The following AKAP7 variants were observed in gnomAD, a reference collection of about 807,000 sequenced individuals.
AKAP7 encodes the protein A kinase (PRKA) anchor protein 7.
AKAP7 carries 39 observed loss-of-function variants against 39.5 expected under a neutral mutation model. The observed-to-expected ratio is 0.99, with a 90% CI of 0.76 to 1.29. The LOEUF (loss-of-function observed/expected upper bound fraction) is 1.29, where lower values mean the gene tolerates loss of function less well. Among genes scored for constraint, AKAP7 ranks in the 50% most tolerant of loss-of-function variants. The pLI is 0.00. For missense variants in AKAP7, 414 were observed against 407.7 expected, an observed-to-expected ratio of 1.02 and a Z score of -0.13; for synonymous variants, 140 against 139.1, an observed-to-expected ratio of 1.01 and a Z score of -0.05.
intron 7 of AKAP7, among the ~76,000 whole-genome samples, chr6:131,277,179 GT>G (rs1366959374): frequency 6.6e-6 from 1 of 152,136 alleles, no homozygotes; most frequent in African/African-American, 2.4e-5. Flanking sequence ...TGATTGAAAA[GT>G]TTCTTAAGTC....
At chr6:131,140,529 C>T (rs1307404123) in intron 1 of AKAP7, among the ~76,000 whole-genome samples, 3 of 152,174 alleles carry the variant, frequency 2.0e-5, no homozygotes, top group Non-Finnish European at 4.4e-5. Context: ...AATTAAGTTT[C>T]CTCTCCCTCA....
intron 3 of AKAP7, among the ~76,000 whole-genome samples, chr6:131,162,675 C>G (rs141224087): frequency 2.6e-5 from 4 of 152,070 alleles, no homozygotes; most frequent in Admixed American, 2.0e-4. Context: ...TTTTTCTGCC[C>G]GAGCTCTTCT....
chr6:131,219,836 A>G (rs368804335), intron 7 of AKAP7, 28 bp downstream of exon 7: 2 of 1,405,562 alleles, frequency 1.4e-6, no homozygotes, highest in Non-Finnish European at 1.9e-6. Context: ...ATTATTTATT[A>G]TCTTTATTTT....
At chr6:131,276,971 G>A (rs986828292) in intron 7 of AKAP7, among the ~76,000 whole-genome samples, 2 of 152,074 alleles carry the variant, frequency 1.3e-5, no homozygotes, top group East Asian at 1.9e-4. Context: ...TTCAGTTTTC[G>A]CAGTAGGTGT....
At chr6:131,154,450 A>G (rs1802230834) in intron 2 of AKAP7, among the ~76,000 whole-genome samples, 1 of 150,152 alleles carries the variant, frequency 6.7e-6, no homozygotes, top group Non-Finnish European at 1.5e-5. Flanking sequence ...GATTGTCTAA[A>G]CGTTCCTCCC....
intron 3 of AKAP7, among the ~76,000 whole-genome samples, chr6:131,160,563 T>C (rs1325679066): frequency 6.6e-6 from 1 of 152,204 alleles, no homozygotes; most frequent in Admixed American, 6.5e-5. Context: ...GAAAAAGTGT[T>C]GCCAGATGGC....
In AKAP7 at chr6:131,159,347, C is replaced by A. The variant is rs879540188; in HGVS notation, c.152-712C>A. Among the ~76,000 whole-genome samples, 9 of 152,140 alleles carry A rather than the reference C, an allele frequency of 5.9e-5. No individual in the cohort carries two copies. The East Asian group carries it at 1.7e-3, about 29-fold the overall frequency. The stretch of plus-strand genomic sequence containing the variant: ...TGACCTCGTGATTCGCCCGCCTCGG[C>A]CTCCCAAAGTGCTGGGATTACAGGC... On this transcript the variant is annotated intron_variant, in intron 2 of 7. Transcript: ENST00000431975.
In AKAP7 at chr6:131,219,779, A is replaced by G. The variant is rs1809542050; in HGVS notation, c.821A>G (p.Tyr274Cys). The G allele has an allele frequency of 6.3e-7, 1 of 1,584,092 alleles. No homozygotes were observed. Among genetic ancestry groups the G allele is most frequent in the African/African-American group, 1.4e-5 (1 of 73,420 alleles). ...CTGAAGAAAAAACAAAGTAATGGTT[A>G]TTATCACTGTGAATCTTCCATTGTG... ...SMLKKKQSNG[Y>C]YHCESSIVIG... The change falls in exon 7 of 8, where the codon TAT (tyrosine) becomes TGT (cysteine). Residue 274 changes from tyrosine (Y) to cysteine (C), a missense_variant. Tyr to Cys is a radical substitution (Grantham distance 194, BLOSUM62 -2). Coordinates refer to ENST00000431975, the MANE Select transcript of AKAP7 (RefSeq NM_016377.4).
At chr6:131,164,524 T>G (rs1401244504) in intron 3 of AKAP7, 6 of 424,166 alleles carry the variant, frequency 1.4e-5, no homozygotes, top group African/African-American at 4.1e-5. Context: ...GTAATGCCCC[T>G]CCCCACAGGT....
At chr6:131,138,453 T>C (rs1800764513) in intron 1 of AKAP7, among the ~76,000 whole-genome samples, 1 of 152,248 alleles carries the variant, frequency 6.6e-6, no homozygotes, top group Non-Finnish European at 1.5e-5. Flanking sequence ...GTTCCACTTT[T>C]CCTTTTTTGT....
chr6:131,260,266 C>T (rs972922858), intron 7 of AKAP7, among the ~76,000 whole-genome samples: 12 of 152,094 alleles, frequency 7.9e-5, no homozygotes, highest in East Asian at 1.9e-4. Flanking sequence ...AATAAACATA[C>T]GTGTGCGTGT....
intron 5 of AKAP7, among the ~76,000 whole-genome samples, chr6:131,182,456 T>C (rs1158235233): frequency 6.6e-6 from 1 of 152,258 alleles, no homozygotes; most frequent in East Asian, 1.9e-4. Context: ...TTAAGGTTCA[T>C]CCATGCTGTA....
intron 5 of AKAP7, among the ~76,000 whole-genome samples, chr6:131,171,725 A>C (rs77586468): frequency 0.047 from 7,195 of 152,186 alleles, 444 homozygotes; most frequent in East Asian, 0.16. Context: ...CTCAAGTACT[A>C]TGTAGGATTT....
At chr6:131,139,108 T>C (rs1227579951) in intron 1 of AKAP7, among the ~76,000 whole-genome samples, 2 of 152,186 alleles carry the variant, frequency 1.3e-5, no homozygotes, top group Non-Finnish European at 2.9e-5. Flanking sequence ...TAAGAGAAAG[T>C]GTAGTTATGA....
intron 5 of AKAP7, chr6:131,184,672 C>G: frequency 1.3e-6 from 1 of 774,428 alleles, no homozygotes; most frequent in Admixed American, 1.7e-5. Flanking sequence ...GTTCCCCAGG[C>G]AGAAGTTACA....
At chr6:131,260,577 A>C (rs150834493) in intron 7 of AKAP7, among the ~76,000 whole-genome samples, 113 of 152,166 alleles carry the variant, frequency 7.4e-4, no homozygotes, top group African/African-American at 2.4e-3. Context: ...TTTTTCATAT[A>C]TTTGTTGGCT....
At chr6:131,222,677 T>C (rs1278692093) in intron 7 of AKAP7, among the ~76,000 whole-genome samples, 1 of 152,216 alleles carries the variant, frequency 6.6e-6, no homozygotes, top group Non-Finnish European at 1.5e-5. Context: ...TTTCTTGAGA[T>C]GGAATCTACT....
intron 2 of AKAP7, among the ~76,000 whole-genome samples, chr6:131,147,505 C>T (rs948190333): frequency 6.6e-5 from 10 of 152,174 alleles, no homozygotes; most frequent in African/African-American, 2.4e-4. Flanking sequence ...GTTGGGGAAA[C>T]CTTCACTGAA....
At chr6:131,221,999 T>G (rs935230378) in intron 7 of AKAP7, among the ~76,000 whole-genome samples, 4 of 152,208 alleles carry the variant, frequency 2.6e-5, no homozygotes, top group Admixed American at 6.5e-5. Flanking sequence ...TTTGTAAGGC[T>G]ATAGCTGCCA....
Sources: allele counts gnomAD v4.1 joint callset (sites outside exome capture counted in the v4.1 genomes callset), GRCh38; gene constraint gnomAD v4.1.1; transcripts MANE v1.5; gene names NCBI Gene and HGNC (gene_info 2026-07-23, HGNC 2026-07-21).